NRXN1: variants seen among roughly 807,000 people sequenced by gnomAD.
NRXN1 encodes the protein neurexin-1.
Under a neutral mutation model 150.9 loss-of-function variants are expected in NRXN1, and 39 were observed. The ratio of observed to expected loss-of-function variants is 0.26; its 90% CI spans 0.20 to 0.34. The LOEUF (loss-of-function observed/expected upper bound fraction) is 0.34. Ranked by LOEUF, NRXN1 falls within the 10% of genes least tolerant of loss-of-function variation. The pLI is 1.00. For missense variants in NRXN1, 1,815 were observed against 1,949.9 expected (o/e 0.93, Z 1.30); for synonymous variants, 924 against 757.0 (o/e 1.22, Z -3.62).
intron 2 of NRXN1, among the ~76,000 whole-genome samples, chr2:50,967,591 C>T (rs1364408763): frequency 6.6e-6 from 1 of 151,942 alleles, no homozygotes; most frequent in East Asian, 1.9e-4. Flanking sequence ...AGGGCATGTA[C>T]ATTTATAGAG....
At chr2:50,001,419 C>A (rs1170949547) in intron 21 of NRXN1, among the ~76,000 whole-genome samples, 1 of 151,918 alleles carries the variant, frequency 6.6e-6, no homozygotes, top group Non-Finnish European at 1.5e-5. Flanking sequence ...CTTTAATCAC[C>A]AGGGGCTTAA....
At chr2:50,174,791 C>T (rs1435513528) in intron 18 of NRXN1, 1 of 152,022 alleles carries the variant, frequency 6.6e-6, no homozygotes, top group Non-Finnish European at 1.5e-5. Flanking sequence ...GATTTTATTT[C>T]AGAACGGAAA....
intron 5 of NRXN1, among the ~76,000 whole-genome samples, chr2:50,845,868 A>C (rs935256391): frequency 3.9e-5 from 6 of 152,232 alleles, no homozygotes; most frequent in Non-Finnish European, 5.9e-5. Flanking sequence ...GGGAAAAAAA[A>C]CCAGAAAATT....
intron 12 of NRXN1, among the ~76,000 whole-genome samples, chr2:50,515,604 T>G (rs1180720167): frequency 1.5e-5 from 1 of 65,500 alleles, no homozygotes; most frequent in African/African-American, 5.1e-5. Context: ...GCTTGGGGTG[T>G]GTGTGTGTGT....
At chr2:50,360,299 C>A (rs138907147) in intron 17 of NRXN1, among the ~76,000 whole-genome samples, 3 of 152,152 alleles carry the variant, frequency 2.0e-5, no homozygotes, top group Admixed American at 6.5e-5. Context: ...ATGCCCAAAT[C>A]GAAAGGCAAG....
At chr2:50,882,123 T>C (rs72823536) in intron 5 of NRXN1, among the ~76,000 whole-genome samples, 5,699 of 151,928 alleles carry the variant, frequency 0.038, 202 homozygotes, top group East Asian at 0.11. Flanking sequence ...AAAGTTAAAG[T>C]AGAATTTATG....
intron 17 of NRXN1, among the ~76,000 whole-genome samples, chr2:50,255,747 G>A (rs1019494537): frequency 6.6e-6 from 1 of 152,044 alleles, no homozygotes; most frequent in Non-Finnish European, 1.5e-5. Context: ...TTCAAATAAA[G>A]TTTGCATGCC....
At chr2:50,648,731 T>G (rs1685163583) in intron 5 of NRXN1, among the ~76,000 whole-genome samples, 1 of 151,962 alleles carries the variant, frequency 6.6e-6, no homozygotes, top group Non-Finnish European at 1.5e-5. Flanking sequence ...CTAAATGGAT[T>G]TGGGTTCAGC....
chr2:49,920,708 G>A lies in NRXN1; in HGVS notation c.*1236C>T, dbSNP rs1668040751. On this transcript the variant is annotated 3_prime_UTR_variant, in exon 23 of 23. Coordinates refer to ENST00000401669, the MANE Select transcript of NRXN1 (RefSeq NM_001330078.2). ...GATTGCTGTGGATTCGTGTGTGTGT[G>A]TGTGTGTGTGTGTGTGTGTGTGTGT... 1 of 42,912 alleles carries A rather than the reference G, an allele frequency of 2.3e-5. No individual in the cohort carries two copies. Among genetic ancestry groups the A allele is most frequent in the Non-Finnish European group, 5.9e-5 (1 of 16,908 alleles). The allele number at this position is 42,912 out of a possible 1,614,324, so 2.7% of individuals were successfully genotyped here.
At position 50,985,440 on chromosome 2, in the gene NRXN1, G is replaced by C. The variant is rs17041158; in HGVS notation, c.772+42062C>G. ...CAACGTCGGTTAATAGAAGAGTATG[G>C]AGAGATGGCTTCAAGCAGAAAATTC... On this transcript the variant is annotated intron_variant, in intron 2 of 22. Transcript: ENST00000401669. 8 of 151,844 alleles carry C rather than the reference G, an allele frequency of 5.3e-5. No individual in the cohort carries two copies. The East Asian group carries it at 1.6e-3, about 29-fold the overall frequency. The allele number at this position is 151,844 out of a possible 1,614,324, so 9.4% of individuals were successfully genotyped here.
intron 21 of NRXN1, among the ~76,000 whole-genome samples, chr2:49,966,144 G>T (rs1007939024): frequency 5.3e-5 from 8 of 152,188 alleles, no homozygotes; most frequent in Admixed American, 2.6e-4. Context: ...AAAGCTAGAA[G>T]TTTGGTAACA....
chr2:50,357,714 T>C (rs553436416), intron 17 of NRXN1, among the ~76,000 whole-genome samples: 2 of 152,284 alleles, frequency 1.3e-5, no homozygotes, highest in East Asian at 3.9e-4. Flanking sequence ...ATAAGGCAAA[T>C]ATTAAGAATG....
chr2:50,634,337 G>A (rs1391467970), intron 5 of NRXN1, among the ~76,000 whole-genome samples: 1 of 152,096 alleles, frequency 6.6e-6, no homozygotes, highest in Non-Finnish European at 1.5e-5. Flanking sequence ...TACATATCTG[G>A]GTTCAAATCC....
At chr2:50,908,535 A>T (rs547480636) in intron 5 of NRXN1, among the ~76,000 whole-genome samples, 1 of 152,220 alleles carries the variant, frequency 6.6e-6, no homozygotes, top group Non-Finnish European at 1.5e-5. Flanking sequence ...CCTGACAATT[A>T]GAGCATGCCA....
rs562974464 is a variant in NRXN1 at position 50,607,171 on chromosome 2, ACCT to A, written c.1320+12848_1320+12850del. Among the ~76,000 whole-genome samples, 12 of 152,244 alleles carry A rather than the reference ACCT, an allele frequency of 7.9e-5. No individual in the cohort carries two copies. The East Asian group carries it at 2.1e-3, about 27-fold the overall frequency. Reference sequence around the variant, plus strand: ...TAAAGAAAATGTGAGAGTCTGGGACACCTCCTTGTTCTCTGCAAAGCCTGCCGC... The same window carrying A: ...TAAAGAAAATGTGAGAGTCTGGGACACCTTGTTCTCTGCAAAGCCTGCCGC... On this transcript the variant is annotated intron_variant, in intron 8 of 22. Coordinates refer to ENST00000401669, the MANE Select transcript of NRXN1 (RefSeq NM_001330078.2).
At chr2:50,809,639 T>G (rs1057254767) in intron 5 of NRXN1, among the ~76,000 whole-genome samples, 1 of 152,174 alleles carries the variant, frequency 6.6e-6, no homozygotes, top group African/African-American at 2.4e-5. Flanking sequence ...AGAATGTTAA[T>G]TCTAACCTAA....
chr2:50,878,364 C>T (rs1678920326), intron 5 of NRXN1, among the ~76,000 whole-genome samples: 1 of 151,902 alleles, frequency 6.6e-6, no homozygotes, highest in African/African-American at 2.4e-5. Context: ...GGAAGGTTTA[C>T]TGGCTTTGGT....
At chr2:50,774,843 C>T (rs1703414609) in intron 5 of NRXN1, among the ~76,000 whole-genome samples, 1 of 151,926 alleles carries the variant, frequency 6.6e-6, no homozygotes, top group Non-Finnish European at 1.5e-5. Flanking sequence ...ATTATTATAC[C>T]ACATATACAT....
At chr2:50,511,978 G>C (rs973160867) in intron 12 of NRXN1, among the ~76,000 whole-genome samples, 1 of 151,966 alleles carries the variant, frequency 6.6e-6, no homozygotes, top group African/African-American at 2.4e-5. Flanking sequence ...ATTGGATTTT[G>C]TCCCCAGTCT....
Sources: gnomAD v4.1 joint callset for allele counts (sites outside exome capture counted in the v4.1 genomes callset) on GRCh38, gnomAD v4.1.1 for gene constraint, MANE v1.5 for transcripts, NCBI Gene and HGNC (gene_info 2026-07-23, HGNC 2026-07-21) for gene names.